Variants in GART observed in about 807,000 individuals in gnomAD.
GART encodes the protein phosphoribosylglycinamide formyltransferase, phosphoribosylglycinamide synthetase, phosphoribosylaminoimidazole synthetase.
In GART, 43 loss-of-function variants were observed where a neutral mutation model predicts 107.2. That is an observed-to-expected ratio of 0.40 (90% CI 0.31 to 0.52). The LOEUF is 0.52. Ranked by LOEUF, GART falls within the 20% of genes least tolerant of loss-of-function variation. The pLI, the probability that GART is intolerant of heterozygous loss-of-function variation, is 0.52. For synonymous variants in GART, 434 were observed against 427.0 expected (o/e 1.02, Z -0.20); for missense variants, 1,107 against 1,206.5 (o/e 0.92, Z 1.22).
At chr21:33,521,160 T>C (rs994151612) in intron 12 of GART, 145 bp from the exon 13 acceptor site, 4 of 630,942 alleles carry the variant, frequency 6.3e-6, no homozygotes, top group Non-Finnish European at 1.1e-5. Context: ...GAACAGCTGT[T>C]CTCAGAGATG....
At position 33,528,947 on chromosome 21, in the gene GART, G is replaced by A. The variant is rs373398227; in HGVS notation, c.724-10C>T. On this transcript the variant is annotated splice_polypyrimidine_tract_variant and intron_variant, in intron 7 of 21. Transcript: ENST00000381815. The stretch of plus-strand genomic sequence containing the variant: ...ATAGATCATTAGAAACCTGGAGAAC[G>A]TGCAGAAACAGTTAAATGTAACAGG... 43 of 1,574,956 alleles carry A rather than the reference G, an allele frequency of 2.7e-5. No individual in the cohort carries two copies. Among genetic ancestry groups the A allele is most frequent in the South Asian group, 3.3e-5 (3 of 90,230 alleles).
At chr21:33,537,608 G>C (rs76571548) in intron 2 of GART, among the ~76,000 whole-genome samples, 2 of 152,176 alleles carry the variant, frequency 1.3e-5, no homozygotes, top group Non-Finnish European at 1.5e-5. Flanking sequence ...AACTGTAGGA[G>C]AGATATAATT....
intron 14 of GART, among the ~76,000 whole-genome samples, chr21:33,518,290 C>T (rs1426293133): frequency 6.6e-6 from 1 of 152,080 alleles, no homozygotes; most frequent in Non-Finnish European, 1.5e-5. Context: ...CTATCCCGGC[C>T]AACATGGCGA....
intron 18 of GART, chr21:33,509,440 TTA>T (rs1389575648): frequency 5.2e-6 from 1 of 192,560 alleles, no homozygotes; most frequent in African/African-American, 2.3e-5. Flanking sequence ...TCCATAAAGG[TTA>T]AACATAAACT....
At chr21:33,518,881 T>G in intron 14 of GART, 1 of 533,202 alleles carries the variant, frequency 1.9e-6, no homozygotes, top group South Asian at 1.4e-5. Context: ...TGTCTCAGCA[T>G]GGCCTGTAAT....
At chr21:33,524,387 A>G in intron 11 of GART, 1 of 649,500 alleles carries the variant, frequency 1.5e-6, no homozygotes, top group African/African-American at 2.0e-5. Context: ...CATCTCCACA[A>G]AAAATACAAA....
chr21:33,511,111 C>T, intron 17 of GART, 141 bp downstream of exon 17: 1 of 812,772 alleles, frequency 1.2e-6, no homozygotes, highest in South Asian at 1.5e-5. Context: ...TGGGTGCTGT[C>T]ATGTTACATC....
chr21:33,516,970 T>A lies in GART; in HGVS notation c.2107+19A>T, dbSNP rs753784780. 2 of 1,578,324 alleles carry A rather than the reference T, an allele frequency of 1.3e-6. No homozygotes were observed. The highest frequency in any genetic ancestry group is 1.2e-5 in the South Asian group (1 of 84,846). On this transcript the variant is annotated intron_variant, in intron 16 of 21. Coordinates refer to ENST00000381815, the MANE Select transcript of GART (RefSeq NM_000819.5). ...TCCTCAGCAATTTTCTGAACAGAAG[T>A]TCGTTTTAGTGATCTTACCTAAATC...
At chr21:33,517,649 T>TA in intron 14 of GART, 41 bp from the exon 15 acceptor site, 1 of 1,607,528 alleles carries the variant, frequency 6.2e-7, no homozygotes, top group East Asian at 2.2e-5. Flanking sequence ...AGAGTATTTA[T>TA]AAATCTGTCT....
At chr21:33,528,743 C>T in intron 8 of GART, 107 bp downstream of exon 8, 1 of 953,372 alleles carries the variant, frequency 1.0e-6, no homozygotes, top group Non-Finnish European at 1.5e-6. Flanking sequence ...AAAAATGGTC[C>T]ATTAAAAAGT....
intron 14 of GART, among the ~76,000 whole-genome samples, chr21:33,518,274 T>C (rs2084912074): frequency 6.6e-6 from 1 of 151,808 alleles, no homozygotes; most frequent in African/African-American, 2.4e-5. Context: ...GGTCAGGAGT[T>C]CGAGACTATC....
chr21:33,523,451 A>G (rs534877972), intron 11 of GART, among the ~76,000 whole-genome samples: 5 of 152,316 alleles, frequency 3.3e-5, no homozygotes, highest in Admixed American at 2.6e-4. Context: ...AGTCCCTTGA[A>G]ATAGGTCATT....
chr21:33,533,427 A>G (rs1488533272), intron 4 of GART, among the ~76,000 whole-genome samples: 1 of 141,502 alleles, frequency 7.1e-6, no homozygotes, highest in Non-Finnish European at 1.5e-5. Flanking sequence ...CCTGGGTGAA[A>G]GAACGAGACT....
At chr21:33,541,906 G>C (rs564138188) in intron 1 of GART, among the ~76,000 whole-genome samples, 159 bp downstream of exon 1, 4 of 152,314 alleles carry the variant, frequency 2.6e-5, no homozygotes, top group Middle Eastern at 3.4e-3. Flanking sequence ...GCTAACAGTA[G>C]CAAGTGAAAA....
At chr21:33,527,377 G>T (rs1569026567) in intron 10 of GART, among the ~76,000 whole-genome samples, 1 of 152,144 alleles carries the variant, frequency 6.6e-6, no homozygotes, top group South Asian at 2.1e-4. Flanking sequence ...AAATTAGCTG[G>T]GCCTGGTAGC....
At chr21:33,524,165 A>G in intron 11 of GART, 1 of 985,256 alleles carries the variant, frequency 1.0e-6, no homozygotes, top group Non-Finnish European at 1.2e-6. Flanking sequence ...CAAATTACAA[A>G]GTTAGATGAC....
chr21:33,528,448 C>A, intron 9 of GART, 71 bp downstream of exon 9: 1 of 1,540,004 alleles, frequency 6.5e-7, no homozygotes, highest in Non-Finnish European at 8.9e-7. Context: ...TAATTACTTC[C>A]AGGCTGATAA....
At chr21:33,506,528 A>G (rs1338469147) in intron 18 of GART, among the ~76,000 whole-genome samples, 3 of 152,152 alleles carry the variant, frequency 2.0e-5, no homozygotes, top group African/African-American at 7.2e-5. Context: ...GACTGGTGAT[A>G]TGTGAGGCTT....
intron 16 of GART, among the ~76,000 whole-genome samples, chr21:33,511,737 A>G (rs1193983166): frequency 6.6e-6 from 1 of 152,218 alleles, no homozygotes; most frequent in African/African-American, 2.4e-5. Context: ...CTAATGGATC[A>G]GATGAGCTAG....
Sources: gnomAD v4.1 joint callset for allele counts (sites outside exome capture counted in the v4.1 genomes callset) on GRCh38, gnomAD v4.1.1 for gene constraint, MANE v1.5 for transcripts, NCBI Gene and HGNC (gene_info 2026-07-23, HGNC 2026-07-21) for gene names.